The following FGF1 variants were observed in gnomAD, a reference collection of about 807,000 sequenced individuals.
The protein encoded by FGF1 is fibroblast growth factor 1.
A neutral mutation model predicts 13.4 loss-of-function variants in FGF1; 9 were observed. The observed-to-expected ratio is 0.67, with a 90% CI of 0.40 to 1.17. The LOEUF (loss-of-function observed/expected upper bound fraction) is 1.17, where lower values mean the gene tolerates loss of function less well. FGF1 is among the 50% of genes most tolerant of loss of function. The pLI is 0.01. For missense variants in FGF1, 156 were observed against 192.7 expected (o/e 0.81, Z 1.13); for synonymous variants, 93 against 79.0 (o/e 1.18, Z -0.94).
intron 1 of FGF1, among the ~76,000 whole-genome samples, chr5:142,659,494 TA>T (rs1768789659): frequency 6.6e-6 from 1 of 152,158 alleles, no homozygotes; most frequent in Non-Finnish European, 1.5e-5. Flanking sequence ...CCCAAAGTAT[TA>T]CAGGTGTGAG....
rs61445131 is a variant in FGF1 at position 142,606,218 on chromosome 5, CTGTGTGTGTG to C, written c.170-5423_170-5414del. On this transcript the variant is annotated intron_variant, in intron 2 of 3. Transcript: ENST00000337706. ...AAAATCTGCAACATTCTTTCTCTCT[CTGTGTGTGTG>C]TGTGTGTGTGTGTGTGTATGTAGTT... Among the ~76,000 whole-genome samples the C allele has an allele frequency of 1.9e-3, 266 of 143,150 alleles. 1 individual carries two copies. The highest frequency in any genetic ancestry group is 6.5e-3 in the African/African-American group (249 of 38,446). 93.9% of individuals were successfully genotyped at this position (143,150 alleles called of 152,430 possible). A position where few individuals can be genotyped will look rare whatever the true frequency, so the allele number is the denominator to read the frequency against.
chr5:142,624,858 T>A (rs528654452), intron 1 of FGF1, among the ~76,000 whole-genome samples: 75 of 152,236 alleles, frequency 4.9e-4, no homozygotes, highest in Non-Finnish European at 6.0e-4. Context: ...CATAACAGAC[T>A]GTGGCAAAAC....
intron 3 of FGF1, among the ~76,000 whole-genome samples, chr5:142,599,492 C>G: frequency 6.6e-6 from 1 of 152,248 alleles, no homozygotes; most frequent in East Asian, 1.9e-4. Context: ...CCCCTACTGA[C>G]TGTCTTTTTG....
At position 142,634,057 on chromosome 5, in the gene FGF1, G is replaced by C. The variant is rs563044354; in HGVS notation, c.-34-19896C>G. ...AAAAAAAAAAAAGTAGCTGGACGTGGTGGCGGGCGCCTGTAGTCCCAGCTA... is the reference window on the plus strand; with the variant it reads ...AAAAAAAAAAAAGTAGCTGGACGTGCTGGCGGGCGCCTGTAGTCCCAGCTA... On this transcript the variant is annotated intron_variant, in intron 1 of 3. Coordinates refer to ENST00000337706, the MANE Select transcript of FGF1 (RefSeq NM_000800.5). Among the ~76,000 whole-genome samples, 8 of 152,072 alleles carry C rather than the reference G, an allele frequency of 5.3e-5. No homozygotes were observed. In the South Asian group the frequency reaches 1.7e-3, roughly 32 times the overall value.
chr5:142,619,435 G>A (rs1015165969), intron 1 of FGF1, among the ~76,000 whole-genome samples: 19 of 152,164 alleles, frequency 1.2e-4, no homozygotes. Context: ...AGTCCTTGCT[G>A]CCTGTGGCTA....
rs550115774 is a variant in FGF1, at chr5:142,636,107, T to C, written c.-34-21946A>G. 7.6e-4 allele frequency among the ~76,000 whole-genome samples: 116 copies of C among 152,332 alleles called. 2 individuals are homozygous for C. Among genetic ancestry groups the C allele is most frequent in the African/African-American group, 2.7e-3 (112 of 41,568 alleles). On this transcript the variant is annotated intron_variant, in intron 1 of 3. Coordinates refer to ENST00000337706, the MANE Select transcript of FGF1 (RefSeq NM_000800.5). ...CCCCCTCCTTCTTGCTCTGTTTTGC[T>C]GTGTGAGGCTGGAGCCGGATTTTCT...
upstream of FGF1, among the ~76,000 whole-genome samples, chr5:142,687,138 C>T (rs906841773): frequency 3.3e-5 from 5 of 150,864 alleles, no homozygotes; most frequent in African/African-American, 5.0e-5. Flanking sequence ...TGTGTGTGCA[C>T]GCATGCACTC....
chr5:142,614,813 A>G (rs748148439), intron 1 of FGF1, among the ~76,000 whole-genome samples: 1 of 152,154 alleles, frequency 6.6e-6, no homozygotes, highest in African/African-American at 2.4e-5. Flanking sequence ...GGCAAATACC[A>G]TATCAAAGGA....
At chr5:142,697,072 CT>C (rs1355807483) in intron 2 of FGF1, among the ~76,000 whole-genome samples, 2 of 152,168 alleles carry the variant, frequency 1.3e-5, no homozygotes, top group African/African-American at 4.8e-5. Flanking sequence ...TTTTATTCCT[CT>C]TGTTTTCAAC....
At chr5:142,690,215 G>A (rs1751961444), upstream of FGF1, among the ~76,000 whole-genome samples, 2 of 151,862 alleles carry the variant, frequency 1.3e-5, no homozygotes, top group South Asian at 4.1e-4. Context: ...CAGCTACTCG[G>A]GAGGCTGAGG....
chr5:142,618,939 T>TG (rs1378798519), intron 1 of FGF1, among the ~76,000 whole-genome samples: 2 of 137,250 alleles, frequency 1.5e-5, no homozygotes, highest in Non-Finnish European at 1.6e-5. Context: ...GTTTTTTTTT[T>TG]TTTTTTTTTT....
chr5:142,608,583 TAC>T (rs1224660347), intron 2 of FGF1, among the ~76,000 whole-genome samples: 2,020 of 59,294 alleles, frequency 0.034, 88 homozygotes, highest in East Asian at 0.086. Flanking sequence ...TATATATATA[TAC>T]ACACACACAC....
In FGF1 at chr5:142,625,702, A is replaced by C. The variant is rs111521016; in HGVS notation, c.-34-11541T>G. Among the ~76,000 whole-genome samples, 729 of 152,342 alleles carry C rather than the reference A, an allele frequency of 4.8e-3. 7 individuals carry two copies. Among genetic ancestry groups the C allele is most frequent in the African/African-American group, 0.017 (699 of 41,572 alleles). ...AGCCCCAGGGCTTCACGCCAAATGC[A>C]AAGTGATTCTGCAGGGGCTCTGGCA... On this transcript the variant is annotated intron_variant, in intron 1 of 3. Coordinates refer to ENST00000337706, the MANE Select transcript of FGF1 (RefSeq NM_000800.5).
chr5:142,656,840 T>C (rs1268462549), intron 1 of FGF1, among the ~76,000 whole-genome samples: 2 of 152,192 alleles, frequency 1.3e-5, no homozygotes, highest in African/African-American at 4.8e-5. Context: ...AAAAAATGAT[T>C]ACCCCTGGGG....
chr5:142,657,506 C>G (rs1768380208), intron 1 of FGF1, among the ~76,000 whole-genome samples: 1 of 152,234 alleles, frequency 6.6e-6, no homozygotes, highest in African/African-American at 2.4e-5. Flanking sequence ...TGTCCATGGT[C>G]TCCTCCCACA....
At position 142,594,248 on chromosome 5, in the gene FGF1, G is replaced by C. The variant is rs1055483038; in HGVS notation, c.*1042C>G. 1.3e-5 allele frequency: 2 copies of C among 152,042 alleles called. No homozygotes were observed. Among genetic ancestry groups the C allele is most frequent in the African/African-American group, 2.4e-5 (1 of 41,334 alleles). 9.4% of individuals were successfully genotyped at this position (152,042 alleles called of 1,614,324 possible). A position where few individuals can be genotyped will look rare whatever the true frequency, so the allele number is the denominator to read the frequency against. ...AGCAGTATTGTCAGCACCTGCACCT[G>C]GGGGGGACCTGATGGAACTGCAGAA... is the stretch of plus-strand genomic sequence containing the variant. On this transcript the variant is annotated 3_prime_UTR_variant, in exon 4 of 4. Transcript: ENST00000337706.
At chr5:142,648,551 A>C (rs1233732992) in intron 1 of FGF1, among the ~76,000 whole-genome samples, 1 of 152,004 alleles carries the variant, frequency 6.6e-6, no homozygotes, top group East Asian at 1.9e-4. Flanking sequence ...AGAAATACCT[A>C]ATGTAGATGA....
chr5:142,697,152 G>A (rs1753262055), intron 2 of FGF1, among the ~76,000 whole-genome samples: 1 of 152,220 alleles, frequency 6.6e-6, no homozygotes, highest in South Asian at 2.1e-4. Flanking sequence ...AAGAGATGGG[G>A]AAGGGAGGTG....
Position 142,684,869 on chromosome 5 carries a change from C to G in FGF1, c.-35+1088G>C, listed in dbSNP as rs140676940. 8.4e-4 allele frequency among the ~76,000 whole-genome samples: 128 copies of G among 151,700 alleles called. 1 individual carries two copies. The East Asian group carries it at 0.018, about 21-fold the overall frequency. The stretch of plus-strand genomic sequence containing the variant: ...CTCCCACTGGGTCGGGGAGCTAACT[C>G]GTAAACAATCGCATCCCTGTAGAGA... On this transcript the variant is annotated intron_variant, in intron 1 of 3. Coordinates refer to ENST00000337706, the MANE Select transcript of FGF1 (RefSeq NM_000800.5).
Sources: allele counts gnomAD v4.1 joint callset (sites outside exome capture counted in the v4.1 genomes callset), GRCh38; gene constraint gnomAD v4.1.1; transcripts MANE v1.5; gene names NCBI Gene and HGNC (gene_info 2026-07-23, HGNC 2026-07-21).